Variants in SNX31 observed in about 807,000 individuals in gnomAD.
The protein encoded by SNX31 is sorting nexin-31.
In SNX31, 58 loss-of-function variants were observed where a neutral mutation model predicts 65.4. That is an observed-to-expected ratio of 0.89 (90% CI 0.72 to 1.10). The LOEUF is 1.10. Ranked by LOEUF, SNX31 falls within the 50% of genes least tolerant of loss-of-function variation. The pLI is 0.00. For synonymous variants in SNX31, 181 were observed against 190.1 expected, an observed-to-expected ratio of 0.95 and a Z score of 0.39; for missense variants, 523 against 529.7, an observed-to-expected ratio of 0.99 and a Z score of 0.12.
chr8:100,614,028 C>T lies in SNX31; in HGVS notation c.433-943G>A, dbSNP rs768926920. 6.6e-6 allele frequency among the ~76,000 whole-genome samples: 1 copy of T among 152,148 alleles called. No individual in the cohort carries two copies. Among genetic ancestry groups the T allele is most frequent in the Non-Finnish European group, 1.5e-5 (1 of 68,028 alleles). ...AAATACCAGGCTCACAGGGGGCCTTCTCTTGTCAGAGATACATAAATTACC... is the reference window on the plus strand; with the variant it reads ...AAATACCAGGCTCACAGGGGGCCTTTTCTTGTCAGAGATACATAAATTACC... On this transcript the variant is annotated intron_variant, in intron 5 of 13. Coordinates refer to ENST00000311812, the MANE Select transcript of SNX31 (RefSeq NM_152628.4). The surrounding 1 kb of genome is among the most constrained non-coding windows in gnomAD (Gnocchi z 5.1).
chr8:100,644,175 G>A (rs1269384278), intron 2 of SNX31, among the ~76,000 whole-genome samples: 1 of 152,094 alleles, frequency 6.6e-6, no homozygotes, highest in Non-Finnish European at 1.5e-5. Context: ...TGGCAGGGAG[G>A]ACAACTGAAC....
At chr8:100,605,430 AATGATG>A (rs757369298) in intron 8 of SNX31, among the ~76,000 whole-genome samples, 4 of 152,042 alleles carry the variant, frequency 2.6e-5, no homozygotes, top group African/African-American at 9.6e-5. Flanking sequence ...TTCAGGGAAC[AATGATG>A]ATGATGATGA....
upstream of SNX31, among the ~76,000 whole-genome samples, chr8:100,653,752 G>A (rs1306935419): frequency 2.0e-5 from 3 of 152,220 alleles, no homozygotes; most frequent in Admixed American, 2.0e-4. Flanking sequence ...CTGATGCTGT[G>A]GCCACAGTCA....
At chr8:100,581,757 T>C (rs918738063) in intron 12 of SNX31, among the ~76,000 whole-genome samples, 59 of 152,066 alleles carry the variant, frequency 3.9e-4, no homozygotes, top group African/African-American at 1.4e-3. Flanking sequence ...TTTGTGTGTT[T>C]CCCTGGAAAA....
chr8:100,658,692 G>A (rs867563776), intron 1 of SNX31, among the ~76,000 whole-genome samples: 3 of 152,318 alleles, frequency 2.0e-5, no homozygotes, highest in South Asian at 2.1e-4. Context: ...TTTGAAACTC[G>A]AGTGCCCAGG....
At chr8:100,592,387 G>T (rs1240612172) in intron 10 of SNX31, among the ~76,000 whole-genome samples, 2 of 152,046 alleles carry the variant, frequency 1.3e-5, no homozygotes, top group African/African-American at 4.8e-5. Context: ...ATAAAGCAGA[G>T]AGAGAAAAAA....
At chr8:100,650,797 A>G (rs1819942419), upstream of SNX31, among the ~76,000 whole-genome samples, 1 of 151,786 alleles carries the variant, frequency 6.6e-6, no homozygotes, top group African/African-American at 2.4e-5. Context: ...GTCCCAGCTT[A>G]GTGGCTTCTA....
chr8:100,661,783 G>A (rs1398485254), intron 1 of SNX31, among the ~76,000 whole-genome samples: 1 of 151,918 alleles, frequency 6.6e-6, no homozygotes, highest in Non-Finnish European at 1.5e-5. Flanking sequence ...TCCTGCCTCA[G>A]CCTCCCAAAG....
chr8:100,608,580 T>A lies in SNX31; in HGVS notation c.612-17A>T. ...GCCATATACCTGCAAAATTCAGGAG[T>A]GTGAAATTCATTCCTGTGACATGGC... On this transcript the variant is annotated splice_polypyrimidine_tract_variant and intron_variant, in intron 7 of 13. Transcript: ENST00000311812. 1 of 1,612,982 alleles carries A rather than the reference T, an allele frequency of 6.2e-7. No homozygotes were observed. The highest frequency in any genetic ancestry group is 1.1e-5 in the South Asian group (1 of 91,024).
Position 100,609,555 on chromosome 8 carries a change from C to T in SNX31, c.612-992G>A, listed in dbSNP as rs1448212393. On this transcript the variant is annotated intron_variant, in intron 7 of 13. Coordinates refer to ENST00000311812, the MANE Select transcript of SNX31 (RefSeq NM_152628.4). This position sits in a 1 kb window ranked among gnomAD's most constrained non-coding sequence, Gnocchi z 4.9. ...ATTAATGACTGTAGAAGCACAGTAG[C>T]ATGTTAAGAAGGGACTGAAACTGTC... Among the ~76,000 whole-genome samples the T allele has an allele frequency of 1.3e-5, 2 of 152,036 alleles. No individual in the cohort carries two copies. The highest frequency in any genetic ancestry group is 4.8e-5 in the African/African-American group (2 of 41,368).
chr8:100,576,973 T>C lies in SNX31; in HGVS notation c.1227+46A>G. Reference sequence around the variant, plus strand: ...TGGTTAAAGAGGAAAAAAGATCAGATTTATCAAAATTATAATGTACCAATT... The same window carrying C: ...TGGTTAAAGAGGAAAAAAGATCAGACTTATCAAAATTATAATGTACCAATT... On this transcript the variant is annotated intron_variant, in intron 13 of 13. Transcript: ENST00000311812. This position sits in a 1 kb window ranked among gnomAD's most constrained non-coding sequence, Gnocchi z 4.8. 1 of 1,461,896 alleles carries C rather than the reference T, an allele frequency of 6.8e-7. No homozygotes were observed. The highest frequency in any genetic ancestry group is 9.5e-7 in the Non-Finnish European group (1 of 1,052,106). 90.6% of individuals were successfully genotyped at this position (1,461,896 alleles called of 1,614,324 possible). A position where few individuals can be genotyped will look rare whatever the true frequency, so the allele number is the denominator to read the frequency against.
chr8:100,621,228 G>A (rs1264270156), intron 4 of SNX31, among the ~76,000 whole-genome samples: 1 of 152,174 alleles, frequency 6.6e-6, no homozygotes, highest in African/African-American at 2.4e-5. Context: ...AGCTCCATGT[G>A]ACTGTAGGTT....
chr8:100,577,113 G>C, intron 12 of SNX31, 38 bp from the exon 13 acceptor site: 1 of 1,560,160 alleles, frequency 6.4e-7, no homozygotes. Context: ...GCTCAGCCCA[G>C]AGAAGCAAGC....
chr8:100,612,904 T>C lies in SNX31; in HGVS notation c.523+91A>G, dbSNP rs1374347621. ...GTGGTAGGGATCACAGCCCAGTGGGTGGCCAGCCCCTCAGCTGTGACTCCT... is the reference window on the plus strand; with the variant it reads ...GTGGTAGGGATCACAGCCCAGTGGGCGGCCAGCCCCTCAGCTGTGACTCCT... On this transcript the variant is annotated intron_variant, in intron 6 of 13. Coordinates refer to ENST00000311812, the MANE Select transcript of SNX31 (RefSeq NM_152628.4). The surrounding 1 kb of genome is among the most constrained non-coding windows in gnomAD (Gnocchi z 4.3). 2.8e-6 allele frequency: 3 copies of C among 1,070,094 alleles called. No individual in the cohort carries two copies. Among genetic ancestry groups the C allele is most frequent in the Admixed American group, 1.7e-5 (1 of 58,548 alleles). The allele number at this position is 1,070,094 out of a possible 1,614,324, so 66.3% of individuals were successfully genotyped here. A position where few individuals can be genotyped will look rare whatever the true frequency, so the allele number is the denominator to read the frequency against.
Position 100,631,273 on chromosome 8 carries a change from C to T in SNX31, c.257-882G>A, listed in dbSNP as rs1454837578. Among the ~76,000 whole-genome samples, 8 of 152,108 alleles carry T rather than the reference C, an allele frequency of 5.3e-5. No individual in the cohort carries two copies. In the East Asian group the frequency reaches 1.3e-3, roughly 26 times the overall value. ...GGCAGAGCAGATGGGGCAGACACACCCCCATGAGAACTGCAAACCCACAAG... is the reference window on the plus strand; with the variant it reads ...GGCAGAGCAGATGGGGCAGACACACTCCCATGAGAACTGCAAACCCACAAG... On this transcript the variant is annotated intron_variant, in intron 3 of 13. Coordinates refer to ENST00000311812, the MANE Select transcript of SNX31 (RefSeq NM_152628.4).
intron 4 of SNX31, among the ~76,000 whole-genome samples, chr8:100,620,852 C>A (rs1434706851): frequency 6.6e-6 from 1 of 152,168 alleles, no homozygotes; most frequent in African/African-American, 2.4e-5. Flanking sequence ...GTAATCCCAG[C>A]ACTTTGGGAG....
chr8:100,625,396 C>T lies in SNX31; in HGVS notation c.321+4931G>A, dbSNP rs1247246539. 1.3e-5 allele frequency among the ~76,000 whole-genome samples: 2 copies of T among 151,836 alleles called. No homozygotes were observed. The highest frequency in any genetic ancestry group is 4.8e-5 in the African/African-American group (2 of 41,306). On this transcript the variant is annotated intron_variant, in intron 4 of 13. Transcript: ENST00000311812. The surrounding 1 kb of genome is among the most constrained non-coding windows in gnomAD (Gnocchi z 4.2). ...ACATATGGATTTTCTTGGATGCGCACCATGGCTATTAGACATTCCTCTGCC... is the reference window on the plus strand; with the variant it reads ...ACATATGGATTTTCTTGGATGCGCATCATGGCTATTAGACATTCCTCTGCC...
chr8:100,608,395 T>C (rs1436266763), intron 8 of SNX31, 99 bp downstream of exon 8: 7 of 1,044,694 alleles, frequency 6.7e-6, no homozygotes, highest in Non-Finnish European at 1.0e-5. Flanking sequence ...GTTTTAGGTG[T>C]GGAGGTAGAA....
chr8:100,580,202 T>G (rs1009999235), intron 12 of SNX31, among the ~76,000 whole-genome samples: 1 of 151,364 alleles, frequency 6.6e-6, no homozygotes, highest in Non-Finnish European at 1.5e-5. Flanking sequence ...CAGAAAATAA[T>G]TGACCAGCAT....
Sources: allele counts gnomAD v4.1 joint callset (sites outside exome capture counted in the v4.1 genomes callset), GRCh38; gene constraint gnomAD v4.1.1; non-coding constraint Gnocchi (gnomAD v3.1); transcripts MANE v1.5; gene names NCBI Gene and HGNC (gene_info 2026-07-23, HGNC 2026-07-21).